CALN1: variants seen among roughly 807,000 people sequenced by gnomAD.
CALN1 encodes calcium-binding protein 8.
CALN1 carries 17 observed loss-of-function variants against 30.6 expected under a neutral mutation model. That is an observed-to-expected ratio of 0.56 (90% CI 0.38 to 0.83). The LOEUF is 0.83. CALN1 is among the 40% of genes least tolerant of loss of function. The pLI is 0.00. For synonymous variants in CALN1, 156 were observed against 131.4 expected, an observed-to-expected ratio of 1.19 and a Z score of -1.28; for missense variants, 291 against 354.9, an observed-to-expected ratio of 0.82 and a Z score of 1.45.
intron 5 of CALN1, among the ~76,000 whole-genome samples, chr7:71,903,373 GAATA>G (rs1793965311): frequency 6.6e-6 from 1 of 152,132 alleles, no homozygotes. Context: ...CCAAGGAACA[GAATA>G]AAAAGCCCAG....
intron 3 of CALN1, among the ~76,000 whole-genome samples, chr7:72,242,028 AAACAACC>A (rs1794875014): frequency 6.6e-6 from 1 of 152,178 alleles, no homozygotes; most frequent in Non-Finnish European, 1.5e-5. Context: ...TGCACTTGTT[AAACAACC>A]CTATTCCTCC....
At chr7:72,127,462 T>C (rs1390349240) in intron 3 of CALN1, among the ~76,000 whole-genome samples, 1 of 152,126 alleles carries the variant, frequency 6.6e-6, no homozygotes, top group Non-Finnish European at 1.5e-5. Flanking sequence ...GGGATCTGAC[T>C]TGTGTATTAA....
chr7:72,337,063 C>T, intron 2 of CALN1: 2 of 985,702 alleles, frequency 2.0e-6, no homozygotes. Flanking sequence ...CCCTCCCGCT[C>T]CCGCTGGCCG....
chr7:71,975,161 C>G (rs1274416831), intron 5 of CALN1, among the ~76,000 whole-genome samples: 3 of 152,120 alleles, frequency 2.0e-5, no homozygotes, highest in African/African-American at 7.2e-5. Context: ...CAAACAAGCC[C>G]AGAGACAGGT....
At chr7:72,039,917 G>A (rs1802022396) in intron 4 of CALN1, among the ~76,000 whole-genome samples, 1 of 152,088 alleles carries the variant, frequency 6.6e-6, no homozygotes, top group South Asian at 2.1e-4. Flanking sequence ...GCCCTCTCCT[G>A]CTCTGCTTGG....
chr7:72,383,983 T>C (rs1230350701), intron 2 of CALN1, among the ~76,000 whole-genome samples: 1 of 152,216 alleles, frequency 6.6e-6, no homozygotes. Flanking sequence ...CATTCTACTA[T>C]AAAGACACGT....
At chr7:71,863,342 G>A (rs1006936284) in intron 5 of CALN1, among the ~76,000 whole-genome samples, 8 of 151,926 alleles carry the variant, frequency 5.3e-5, no homozygotes, top group African/African-American at 1.5e-4. Context: ...CGGATCACCC[G>A]AGGTGAGGAG....
At chr7:72,014,628 C>T (rs844705) in intron 5 of CALN1, among the ~76,000 whole-genome samples, 44,012 of 151,994 alleles carry the variant, frequency 0.29, 10,093 homozygotes, top group African/African-American at 0.64. Context: ...TTTTATTCTA[C>T]AAATTGCCAT....
chr7:71,916,254 C>T (rs955382897), intron 5 of CALN1, among the ~76,000 whole-genome samples: 2 of 151,912 alleles, frequency 1.3e-5, no homozygotes, highest in African/African-American at 4.8e-5. Flanking sequence ...GTCAATCAAA[C>T]ATTCTTAGTC....
intron 3 of CALN1, among the ~76,000 whole-genome samples, chr7:72,135,384 G>C (rs936631334): frequency 4.6e-5 from 7 of 152,140 alleles, no homozygotes; most frequent in East Asian, 1.9e-4. Context: ...ATTAAGACTT[G>C]AAAGTTTAAA....
intron 5 of CALN1, among the ~76,000 whole-genome samples, chr7:71,929,751 T>C (rs1002673714): frequency 7.2e-5 from 11 of 152,222 alleles, no homozygotes; most frequent in Non-Finnish European, 1.6e-4. Context: ...TTCTCAGTAT[T>C]ACCCAGGAGT....
chr7:72,184,650 T>C (rs1477654830), intron 3 of CALN1, among the ~76,000 whole-genome samples: 1 of 152,194 alleles, frequency 6.6e-6, no homozygotes, highest in Non-Finnish European at 1.5e-5. Context: ...TGGTTCTTTT[T>C]CCACTGCTTC....
chr7:72,373,936 T>A lies in CALN1; in HGVS notation c.119+29315A>T, dbSNP rs144947581. Among the ~76,000 whole-genome samples, 719 of 152,232 alleles carry A rather than the reference T, an allele frequency of 4.7e-3. 2 individuals carry two copies. Among genetic ancestry groups the A allele is most frequent in the Non-Finnish European group, 8.3e-3 (567 of 68,012 alleles). ...ACTGTGGATTTCTCACGTGGAATCATGAAGGCCAGATGGAAGTGGAAAAAT... is the reference window on the plus strand; with the variant it reads ...ACTGTGGATTTCTCACGTGGAATCAAGAAGGCCAGATGGAAGTGGAAAAAT... On this transcript the variant is annotated intron_variant, in intron 2 of 6. Transcript: ENST00000395275.
At chr7:72,367,564 AC>A in intron 2 of CALN1, among the ~76,000 whole-genome samples, 1 of 151,816 alleles carries the variant, frequency 6.6e-6, no homozygotes, top group Admixed American at 6.6e-5. Context: ...TTTCAAGGTT[AC>A]AGAAGCCTAT....
Position 71,918,685 on chromosome 7 carries a change from A to C in CALN1, c.501+104972T>G, listed in dbSNP as rs77978904. 8.1e-3 allele frequency among the ~76,000 whole-genome samples: 1,233 copies of C among 152,298 alleles called. 14 individuals carry two copies. The highest frequency in any genetic ancestry group is 0.026 in the African/African-American group (1,061 of 41,558). On this transcript the variant is annotated intron_variant, in intron 5 of 6. Transcript: ENST00000395275. ...CACAAAATGCACGTTCCCAGAAGGA[A>C]GAAGGTCAACCTAAAGCAGCCTAGA...
At chr7:72,443,307 G>C (rs1264141199) in intron 1 of CALN1, among the ~76,000 whole-genome samples, 1 of 152,132 alleles carries the variant, frequency 6.6e-6, no homozygotes. Context: ...ACACAGTTTG[G>C]TAAAGGATCA....
chr7:71,978,397 A>G (rs113993793), intron 5 of CALN1, among the ~76,000 whole-genome samples: 33,916 of 148,230 alleles, frequency 0.23, 6,037 homozygotes, highest in African/African-American at 0.49. Flanking sequence ...TCAGCCTCCC[A>G]AGTAGCTGGG....
intron 3 of CALN1, among the ~76,000 whole-genome samples, chr7:72,133,055 C>T (rs1205104261): frequency 1.3e-5 from 2 of 152,122 alleles, no homozygotes; most frequent in Non-Finnish European, 2.9e-5. Flanking sequence ...GGAACAGTTT[C>T]ATCCTGAAAC....
At chr7:72,392,403 AG>A (rs1424909568) in intron 2 of CALN1, among the ~76,000 whole-genome samples, 1 of 152,202 alleles carries the variant, frequency 6.6e-6, no homozygotes, top group East Asian at 1.9e-4. Flanking sequence ...AGAGACAAAA[AG>A]TTCAGGAAGA....
Sources: gnomAD v4.1 joint callset for allele counts (sites outside exome capture counted in the v4.1 genomes callset) on GRCh38, gnomAD v4.1.1 for gene constraint, MANE v1.5 for transcripts, NCBI Gene and HGNC (gene_info 2026-07-23, HGNC 2026-07-21) for gene names.